The following WWOX variants were observed in gnomAD, a reference collection of about 807,000 sequenced individuals.
The protein encoded by WWOX is WW domain-containing oxidoreductase.
Under a neutral mutation model 46.2 loss-of-function variants are expected in WWOX, and 69 were observed. That is an observed-to-expected ratio of 1.49 (90% confidence interval 1.23 to 1.82). WWOX has a LOEUF of 1.82. WWOX is among the 40% of genes most tolerant of loss of function. The pLI, the probability that WWOX is intolerant of heterozygous loss-of-function variation, is 0.00. For synonymous variants in WWOX, 359 were observed against 202.6 expected (o/e 1.77, Z -6.56); for missense variants, 919 against 542.6 (o/e 1.69, Z -6.89).
At chr16:79,011,030 C>A (rs1037651124) in intron 8 of WWOX, among the ~76,000 whole-genome samples, 2 of 151,896 alleles carry the variant, frequency 1.3e-5, no homozygotes, top group African/African-American at 4.8e-5. Context: ...TAACATCTCA[C>A]CATCTTTACT....
At chr16:78,223,831 G>A (rs529636201) in intron 5 of WWOX, among the ~76,000 whole-genome samples, 38 of 152,234 alleles carry the variant, frequency 2.5e-4, no homozygotes, top group African/African-American at 8.4e-4. Context: ...CAACAAAATA[G>A]CCATTTACAT....
At chr16:78,401,751 G>A (rs1483626139) in intron 6 of WWOX, among the ~76,000 whole-genome samples, 3 of 152,098 alleles carry the variant, frequency 2.0e-5, no homozygotes, top group African/African-American at 7.2e-5. Context: ...CCAGGCTGGA[G>A]TGTGATGGTG....
intron 5 of WWOX, among the ~76,000 whole-genome samples, chr16:78,365,232 CCTT>C: frequency 6.6e-6 from 1 of 152,298 alleles, no homozygotes; most frequent in Admixed American, 6.5e-5. Context: ...GTCTGTGTCA[CCTT>C]CTGACATTAT....
At chr16:78,619,411 A>G (rs867098446) in intron 8 of WWOX, among the ~76,000 whole-genome samples, 3 of 144,758 alleles carry the variant, frequency 2.1e-5, no homozygotes, top group Non-Finnish European at 4.5e-5. Flanking sequence ...CACACACTCC[A>G]GGTGTATATC....
chr16:78,155,098 C>A (rs2034554194), intron 4 of WWOX, among the ~76,000 whole-genome samples: 1 of 152,022 alleles, frequency 6.6e-6, no homozygotes, highest in Admixed American at 6.5e-5. Flanking sequence ...AGCTACACAT[C>A]TAGCTTTTGG....
At chr16:78,846,887 TTTC>T (rs1258782725) in intron 8 of WWOX, among the ~76,000 whole-genome samples, 1 of 152,358 alleles carries the variant, frequency 6.6e-6, no homozygotes, top group East Asian at 1.9e-4. Context: ...TGGAAGGCTG[TTTC>T]TTCTTCTCCA....
chr16:78,571,577 C>T (rs553144596), intron 8 of WWOX, among the ~76,000 whole-genome samples: 43 of 152,124 alleles, frequency 2.8e-4, no homozygotes, highest in Non-Finnish European at 4.9e-4. Context: ...CAGTTAGAGG[C>T]GTTGCAGTTG....
At chr16:78,148,692 T>A (rs1047248285) in intron 4 of WWOX, among the ~76,000 whole-genome samples, 1 of 151,780 alleles carries the variant, frequency 6.6e-6, no homozygotes, top group Middle Eastern at 3.5e-3. Flanking sequence ...GGTCAGGAGA[T>A]CGAGACCATC....
intron 5 of WWOX, among the ~76,000 whole-genome samples, chr16:78,191,373 T>A (rs2035878032): frequency 6.6e-6 from 1 of 152,126 alleles, no homozygotes; most frequent in Non-Finnish European, 1.5e-5. Flanking sequence ...TGATCATAGG[T>A]AGGAAAGGTA....
intron 8 of WWOX, among the ~76,000 whole-genome samples, chr16:78,723,176 C>G (rs1393754114): frequency 6.6e-6 from 1 of 152,206 alleles, no homozygotes; most frequent in Non-Finnish European, 1.5e-5. Flanking sequence ...TAGAACATTT[C>G]CCTCTGATTG....
At chr16:78,909,032 T>C (rs767211983) in intron 8 of WWOX, among the ~76,000 whole-genome samples, 1 of 152,302 alleles carries the variant, frequency 6.6e-6, no homozygotes. Flanking sequence ...AGGGCTGTTA[T>C]CATCTTTTGT....
intron 8 of WWOX, among the ~76,000 whole-genome samples, chr16:78,880,728 A>AT (rs1169909245): frequency 6.6e-6 from 1 of 152,194 alleles, no homozygotes; most frequent in Non-Finnish European, 1.5e-5. Context: ...GTGAGTGACT[A>AT]TTTTTTGACA....
chr16:79,024,427 T>A (rs918847353), intron 8 of WWOX, among the ~76,000 whole-genome samples: 2 of 151,816 alleles, frequency 1.3e-5, no homozygotes, highest in Non-Finnish European at 2.9e-5. Flanking sequence ...CCCAGCTGAT[T>A]TTTAAATTTT....
chr16:78,188,858 T>C (rs1489669744), intron 5 of WWOX, among the ~76,000 whole-genome samples: 1 of 152,146 alleles, frequency 6.6e-6, no homozygotes, highest in Non-Finnish European at 1.5e-5. Flanking sequence ...ATATGACACA[T>C]GCTCTGTTTT....
intron 8 of WWOX, among the ~76,000 whole-genome samples, chr16:79,040,906 C>T (rs569897885): frequency 4.6e-5 from 7 of 152,176 alleles, no homozygotes; most frequent in Admixed American, 3.9e-4. Flanking sequence ...GGAGAGGTTG[C>T]TCCTGGGTTG....
intron 7 of WWOX, among the ~76,000 whole-genome samples, chr16:78,426,210 T>C (rs1597217942): frequency 6.6e-6 from 1 of 152,208 alleles, no homozygotes; most frequent in East Asian, 1.9e-4. Context: ...CACACCAGGT[T>C]TGTGAAGGAA....
chr16:79,139,569 G>T (rs948536479), intron 8 of WWOX, among the ~76,000 whole-genome samples: 1 of 152,206 alleles, frequency 6.6e-6, no homozygotes, highest in East Asian at 1.9e-4. Context: ...TGGAAGTCAC[G>T]TGGGCTTTTT....
At chr16:79,133,266 C>G (rs529682886) in intron 8 of WWOX, among the ~76,000 whole-genome samples, 1 of 152,338 alleles carries the variant, frequency 6.6e-6, no homozygotes, top group South Asian at 2.1e-4. Flanking sequence ...TGACCTTCCC[C>G]TTCAGATCAC....
At chr16:78,778,245 C>T (rs1284224806) in intron 8 of WWOX, among the ~76,000 whole-genome samples, 3 of 152,030 alleles carry the variant, frequency 2.0e-5, no homozygotes, top group Non-Finnish European at 4.4e-5. Context: ...CTCCCATCCC[C>T]TGTGTCTCCT....
Sources: gnomAD v4.1 joint callset for allele counts (sites outside exome capture counted in the v4.1 genomes callset) on GRCh38, gnomAD v4.1.1 for gene constraint, MANE v1.5 for transcripts, NCBI Gene and HGNC (gene_info 2026-07-23, HGNC 2026-07-21) for gene names.